The following OR5AS1 variants were observed in gnomAD, a reference collection of about 807,000 sequenced individuals.
The protein encoded by OR5AS1 is olfactory receptor 5AS1.
For synonymous variants in OR5AS1, 196 were observed against 141.7 expected, an observed-to-expected ratio of 1.38 and a Z score of -2.72; for missense variants, 492 against 378.2, an observed-to-expected ratio of 1.30 and a Z score of -2.50.
rs1376293981 is a variant in OR5AS1, at chr11:56,038,174, TGCCTTGCTATTGATG to T, written c.*6784_*6798del. On this transcript the variant is annotated 3_prime_UTR_variant, in exon 2 of 2. Transcript: ENST00000641320. ...CCATCAACACGCTGAACCATGCACTTGCCTTGCTATTGATGGCTTCTGTCTGATCACAGTGATGTG... is the reference window on the plus strand; with the variant it reads ...CCATCAACACGCTGAACCATGCACTTGCTTCTGTCTGATCACAGTGATGTG... The T allele has an allele frequency of 1.3e-5, 2 of 152,048 alleles. No individual in the cohort carries two copies. Among genetic ancestry groups the T allele is most frequent in the Non-Finnish European group, 2.9e-5 (2 of 67,980 alleles). 9.4% of individuals were successfully genotyped at this position (152,048 alleles called of 1,614,324 possible). A position where few individuals can be genotyped will look rare whatever the true frequency, so the allele number is the denominator to read the frequency against.
In OR5AS1 at chr11:56,030,596, T is replaced by C. The variant is rs1853336801; in HGVS notation, c.178T>C (p.Tyr60His). ...TAATTCAAGCCTTCAAATTCCCATG[T>C]ATTATTTTCTTAGCAACTTATCTTT... ...NINSSLQIPM[Y>H]YFLSNLSFLD... is the part of the protein sequence containing the mutation. Residue 60 changes from tyrosine (Y) to histidine (H), a missense_variant, in exon 2 of 2, where the codon TAT becomes CAT. Transcript: ENST00000641320. 1.3e-6 allele frequency: 2 copies of C among 1,545,216 alleles called. No individual in the cohort carries two copies. The highest frequency in any genetic ancestry group is 1.7e-6 in the Non-Finnish European group (2 of 1,148,186).
Position 56,030,605 on chromosome 11 carries a change from C to T in OR5AS1, c.187C>T (p.Leu63Phe). 1 of 1,546,730 alleles carries T rather than the reference C, an allele frequency of 6.5e-7. No homozygotes were observed. The highest frequency in any genetic ancestry group is 8.7e-7 in the Non-Finnish European group (1 of 1,150,214). Residue 63 changes from leucine (L) to phenylalanine (F), a missense_variant, in exon 2 of 2, where the codon CTT becomes TTT. Leu to Phe is a conservative substitution (Grantham distance 22). Coordinates refer to ENST00000641320, the MANE Select transcript of OR5AS1 (RefSeq NM_001001921.2). ...SSLQIPMYYF[L>F]SNLSFLDISC... Reference sequence around the variant, plus strand: ...CCTTCAAATTCCCATGTATTATTTTCTTAGCAACTTATCTTTCTTAGACAT... The same window carrying T: ...CCTTCAAATTCCCATGTATTATTTTTTTAGCAACTTATCTTTCTTAGACAT...
Position 56,035,556 on chromosome 11 carries a change from T to C in OR5AS1, c.*4163T>C, listed in dbSNP as rs1340250756. ...AAGAGATAAAGAAGGCAATACATAA[T>C]GGTAAAAGGATCAATGCAACAAGAA... On this transcript the variant is annotated 3_prime_UTR_variant, in exon 2 of 2. Transcript: ENST00000641320. The C allele has an allele frequency of 6.6e-6, 1 of 151,620 alleles. No individual in the cohort carries two copies. Among genetic ancestry groups the C allele is most frequent in the Non-Finnish European group, 1.5e-5 (1 of 67,918 alleles). 9.4% of individuals were successfully genotyped at this position (151,620 alleles called of 1,614,324 possible).
rs1853379188 is a variant in OR5AS1, at chr11:56,034,035, A to C, written c.*2642A>C. 1 of 152,564 alleles carries C rather than the reference A, an allele frequency of 6.6e-6. No individual in the cohort carries two copies. The highest frequency in any genetic ancestry group is 1.5e-5 in the Non-Finnish European group (1 of 68,414). 9.5% of individuals were successfully genotyped at this position (152,564 alleles called of 1,614,324 possible). On this transcript the variant is annotated 3_prime_UTR_variant, in exon 2 of 2. Coordinates refer to ENST00000641320, the MANE Select transcript of OR5AS1 (RefSeq NM_001001921.2). ...CTGCAGCAGAGGGGCCTGACAATTA[A>C]AAGGAAAACTAAGGAATAGCATCAA...
chr11:56,031,278 C>T lies in OR5AS1; in HGVS notation c.860C>T (p.Pro287Leu), dbSNP rs1459174926. Residue 287 changes from proline (P) to leucine (L), a missense_variant, in exon 2 of 2, where the codon CCA becomes CTA. By Grantham distance (98) the Pro-to-Leu change is moderately conservative (BLOSUM62 -3). Transcript: ENST00000641320. ...ACTGTTGTATTTCCCATGTTTAATC[C>T]AATAATTTATAGTTTCAGAAACAAG... ...FYTVVFPMFN[P>L]IIYSFRNKDV... 10 of 1,612,244 alleles carry T rather than the reference C, an allele frequency of 6.2e-6. No individual in the cohort carries two copies. The highest frequency in any genetic ancestry group is 8.5e-6 in the Non-Finnish European group (10 of 1,179,218).
chr11:56,030,731 G>T lies in OR5AS1; in HGVS notation c.313G>T (p.Ala105Ser), dbSNP rs370300707. ...YGCALQMFFFASFADAECLIL... is the reference protein window; with the variant it reads ...YGCALQMFFFSSFADAECLIL... ...GTGTGCACTACAAATGTTTTTCTTC[G>T]CTTCTTTTGCTGATGCTGAGTGCCT... The change falls in exon 2 of 2, where the codon GCT becomes TCT. Residue 105 changes from alanine (A) to serine (S), a missense_variant. Coordinates refer to ENST00000641320, the MANE Select transcript of OR5AS1 (RefSeq NM_001001921.2). The T allele has an allele frequency of 3.7e-6, 6 of 1,611,512 alleles. No homozygotes were observed. The South Asian group carries it at 4.4e-5, about 12-fold the overall frequency.
Position 56,033,244 on chromosome 11 carries a change from C to A in OR5AS1, c.*1851C>A. The A allele has an allele frequency of 3.2e-5, 5 of 157,504 alleles. No individual in the cohort carries two copies. Among genetic ancestry groups the A allele is most frequent in the Non-Finnish European group, 6.9e-5 (5 of 72,508 alleles). 9.8% of individuals were successfully genotyped at this position (157,504 alleles called of 1,614,324 possible). On this transcript the variant is annotated 3_prime_UTR_variant, in exon 2 of 2. Coordinates refer to ENST00000641320, the MANE Select transcript of OR5AS1 (RefSeq NM_001001921.2). ...CTAGCTGCAGGAGTTTTCTTCATACCCCAGTGGCACCTGGAATGCCAGCGA... is the reference window on the plus strand; with the variant it reads ...CTAGCTGCAGGAGTTTTCTTCATACACCAGTGGCACCTGGAATGCCAGCGA...
intron 1 of OR5AS1, among the ~76,000 whole-genome samples, chr11:56,028,030 T>C (rs1853313826): frequency 6.6e-6 from 1 of 152,118 alleles, no homozygotes; most frequent in South Asian, 2.1e-4. Flanking sequence ...TAATTTTCTG[T>C]AGCAGCATGC....
chr11:56,030,915 T>A lies in OR5AS1; in HGVS notation c.497T>A (p.Leu166Gln). ...SLVHVCLTFRLSFCGSNIVNH... is the reference protein window; with the variant it reads ...SLVHVCLTFRQSFCGSNIVNH... ...GTCCATGTGTGCCTCACATTCAGGCTGTCATTTTGTGGCTCCAATATCGTC... is the reference window on the plus strand; with the variant it reads ...GTCCATGTGTGCCTCACATTCAGGCAGTCATTTTGTGGCTCCAATATCGTC... The change falls in exon 2 of 2, where the codon CTG becomes CAG. Residue 166 changes from leucine (L) to glutamine (Q), a missense_variant. Physicochemically the swap from Leu to Gln is moderately radical, Grantham distance 113. Transcript: ENST00000641320. 1 of 1,614,146 alleles carries A rather than the reference T, an allele frequency of 6.2e-7. No individual in the cohort carries two copies.
Position 56,030,452 on chromosome 11 carries a change from T to A in OR5AS1, c.34T>A (p.Phe12Ile). 6.7e-7 allele frequency: 1 copy of A among 1,487,064 alleles called. No homozygotes were observed. The highest frequency in any genetic ancestry group is 8.9e-7 in the Non-Finnish European group (1 of 1,117,436). The allele number at this position is 1,487,064 out of a possible 1,614,324, so 92.1% of individuals were successfully genotyped here. ...GAGTAATTACACCATGCCAACTGAGTTCCTATTTGTTGGATTCACAGATTA... is the reference window on the plus strand; with the variant it reads ...GAGTAATTACACCATGCCAACTGAGATCCTATTTGTTGGATTCACAGATTA... ...LESNYTMPTE[F>I]LFVGFTDYLP... is the part of the protein sequence containing the mutation. The change falls in exon 2 of 2, where the codon TTC becomes ATC. Residue 12 changes from phenylalanine (F) to isoleucine (I), a missense_variant. Physicochemically the swap from Phe to Ile is conservative, Grantham distance 21 (BLOSUM62 0). Transcript: ENST00000641320.
At position 56,031,209 on chromosome 11, in the gene OR5AS1, C is replaced by T. The variant is rs765502413; in HGVS notation, c.791C>T (p.Thr264Ile). The T allele has an allele frequency of 1.1e-5, 17 of 1,613,604 alleles. No individual in the cohort carries two copies. Among genetic ancestry groups the T allele is most frequent in the African/African-American group, 2.7e-5 (2 of 74,822 alleles). ...CTGTTTATGTACTTACAGCCCACCACTAGCTATTCCCTAGACACTGATAAG... is the reference window on the plus strand; with the variant it reads ...CTGTTTATGTACTTACAGCCCACCATTAGCTATTCCCTAGACACTGATAAG... ...ALLFMYLQPT[T>I]SYSLDTDKVV... The change falls in exon 2 of 2, where the codon ACT becomes ATT. Residue 264 changes from threonine (T) to isoleucine (I), a missense_variant. Coordinates refer to ENST00000641320, the MANE Select transcript of OR5AS1 (RefSeq NM_001001921.2).
chr11:56,034,567 G>A lies in OR5AS1; in HGVS notation c.*3174G>A, dbSNP rs866360204. On this transcript the variant is annotated 3_prime_UTR_variant, in exon 2 of 2. Transcript: ENST00000641320. ...CTTGAAGACAAGATTAGAGAAAAAAGAATGCAAAGAAATGAACAAAGCCCC... is the reference window on the plus strand; with the variant it reads ...CTTGAAGACAAGATTAGAGAAAAAAAAATGCAAAGAAATGAACAAAGCCCC... 6.6e-6 allele frequency: 1 copy of A among 152,020 alleles called. No individual in the cohort carries two copies. The highest frequency in any genetic ancestry group is 2.1e-4 in the South Asian group (1 of 4,832). 9.4% of individuals were successfully genotyped at this position (152,020 alleles called of 1,614,324 possible). A position where few individuals can be genotyped will look rare whatever the true frequency, so the allele number is the denominator to read the frequency against.
rs1853352387 is a variant in OR5AS1 at position 56,031,596 on chromosome 11, C to A, written c.*203C>A. The A allele has an allele frequency of 4.8e-6, 2 of 413,054 alleles. No homozygotes were observed. Among genetic ancestry groups the A allele is most frequent in the Admixed American group, 8.1e-5 (2 of 24,666 alleles). The allele number at this position is 413,054 out of a possible 1,614,324, so 25.6% of individuals were successfully genotyped here. On this transcript the variant is annotated 3_prime_UTR_variant, in exon 2 of 2. Transcript: ENST00000641320. Reference sequence around the variant, plus strand: ...AATTAAACATAGTCATTATTTATATCCAATTAGTGTTTCTAAAATGCTTTG... The same window carrying A: ...AATTAAACATAGTCATTATTTATATACAATTAGTGTTTCTAAAATGCTTTG...
In OR5AS1 at chr11:56,035,714, ACATTAGACAGAC is replaced by A. The variant is rs1220276038; in HGVS notation, c.*4324_*4335del. The A allele has an allele frequency of 1.3e-5, 2 of 152,138 alleles. No homozygotes were observed. The highest frequency in any genetic ancestry group is 4.8e-5 in the African/African-American group (2 of 41,404). The allele number at this position is 152,138 out of a possible 1,614,324, so 9.4% of individuals were successfully genotyped here. A position where few individuals can be genotyped will look rare whatever the true frequency, so the allele number is the denominator to read the frequency against. ...GGGAGACTTTAACACCCCACAGTCA[ACATTAGACAGAC>A]CAAGACAGAAAATTAACAAGGATAT... On this transcript the variant is annotated 3_prime_UTR_variant, in exon 2 of 2. Coordinates refer to ENST00000641320, the MANE Select transcript of OR5AS1 (RefSeq NM_001001921.2).
chr11:56,033,362 C>T lies in OR5AS1; in HGVS notation c.*1969C>T, dbSNP rs1261048999. ...TCCCACCCCCATGGAGCCCAGCAAG[C>T]TAAGATCCACTGGCTTGAAATTCTT... On this transcript the variant is annotated 3_prime_UTR_variant, in exon 2 of 2. Transcript: ENST00000641320. 1 of 152,560 alleles carries T rather than the reference C, an allele frequency of 6.6e-6. No individual in the cohort carries two copies. The allele number at this position is 152,560 out of a possible 1,614,324, so 9.5% of individuals were successfully genotyped here.
chr11:56,030,924 G>T lies in OR5AS1; in HGVS notation c.506G>T (p.Cys169Phe), dbSNP rs1220289868. Reference protein sequence around the residue: ...HVCLTFRLSFCGSNIVNHFFC... With the variant: ...HVCLTFRLSFFGSNIVNHFFC... Reference sequence around the variant, plus strand: ...TGCCTCACATTCAGGCTGTCATTTTGTGGCTCCAATATCGTCAATCATTTT... The same window carrying T: ...TGCCTCACATTCAGGCTGTCATTTTTTGGCTCCAATATCGTCAATCATTTT... The change falls in exon 2 of 2, where the codon TGT (cysteine) becomes TTT (phenylalanine). Residue 169 changes from cysteine to phenylalanine, a missense_variant. Transcript: ENST00000641320. 4.3e-6 allele frequency: 7 copies of T among 1,614,020 alleles called. No homozygotes were observed. Among genetic ancestry groups the T allele is most frequent in the Non-Finnish European group, 5.1e-6 (6 of 1,180,042 alleles).
chr11:56,031,552 A>G lies in OR5AS1; in HGVS notation c.*159A>G. 1 of 529,044 alleles carries G rather than the reference A, an allele frequency of 1.9e-6. No individual in the cohort carries two copies. Among genetic ancestry groups the G allele is most frequent in the Non-Finnish European group, 3.3e-6 (1 of 301,546 alleles). 32.8% of individuals were successfully genotyped at this position (529,044 alleles called of 1,614,324 possible). Reference sequence around the variant, plus strand: ...CCAAAAATGTTCTCTCCACAATTCTACTCTATAAAACATTACCTAATTAAA... The same window carrying G: ...CCAAAAATGTTCTCTCCACAATTCTGCTCTATAAAACATTACCTAATTAAA... On this transcript the variant is annotated 3_prime_UTR_variant, in exon 2 of 2. Coordinates refer to ENST00000641320, the MANE Select transcript of OR5AS1 (RefSeq NM_001001921.2).
At chr11:56,029,372 C>T (rs928807903) in intron 1 of OR5AS1, among the ~76,000 whole-genome samples, 1 of 151,602 alleles carries the variant, frequency 6.6e-6, no homozygotes, top group African/African-American at 2.4e-5. Flanking sequence ...AGTCCAATCG[C>T]ATATGCAGCC....
At chr11:56,030,283 A>G (rs1425090698) in intron 1 of OR5AS1, 108 bp from the exon 2 acceptor site, 5 of 451,750 alleles carry the variant, frequency 1.1e-5, no homozygotes, top group African/African-American at 4.1e-5. Flanking sequence ...AAAAAATGAC[A>G]TCTCTGTGAT....
Sources: gnomAD v4.1 joint callset for allele counts (sites outside exome capture counted in the v4.1 genomes callset) on GRCh38, gnomAD v4.1.1 for gene constraint, MANE v1.5 for transcripts, NCBI Gene and HGNC (gene_info 2026-07-23, HGNC 2026-07-21) for gene names.